The following CASZ1 variants were observed in gnomAD, a reference collection of about 807,000 sequenced individuals.
CASZ1 encodes castor zinc finger 1.
A neutral mutation model predicts 135.2 loss-of-function variants in CASZ1; 28 were observed. The observed-to-expected ratio is 0.21, with a 90% confidence interval of 0.15 to 0.28. The LOEUF (loss-of-function observed/expected upper bound fraction) is 0.28. Among genes scored for constraint, CASZ1 ranks in the 10% least tolerant of loss-of-function variants. The pLI is 1.00. For missense variants in CASZ1, 2,161 were observed against 2,453.3 expected (o/e 0.88, Z 2.52); for synonymous variants, 1,068 against 1,073.4 (o/e 0.99, Z 0.10).
chr1:10,650,882 G>A (rs932420501), intron 12 of CASZ1, 59 bp downstream of exon 12: 2 of 1,605,824 alleles, frequency 1.2e-6, no homozygotes, highest in African/African-American at 2.7e-5. Flanking sequence ...GACCACCCCG[G>A]GGCTCCAGCT....
At chr1:10,656,558 C>T (rs568316497) in intron 8 of CASZ1, 88 bp downstream of exon 8, 26 of 995,748 alleles carry the variant, frequency 2.6e-5, no homozygotes, top group South Asian at 4.2e-5. Context: ...ACTAACCCCC[C>T]CCACTGCCGT....
intron 4 of CASZ1, among the ~76,000 whole-genome samples, chr1:10,680,252 C>T (rs949362463): frequency 7.1e-5 from 7 of 98,658 alleles, no homozygotes; most frequent in East Asian, 3.4e-4. Context: ...CGGAGGGCTC[C>T]GGCTGGATGG....
chr1:10,786,781 AACAGT>A (rs1640867860), intron 1 of CASZ1, among the ~76,000 whole-genome samples: 1 of 152,168 alleles, frequency 6.6e-6, no homozygotes, highest in African/African-American at 2.4e-5. Flanking sequence ...AGAGGCACAA[AACAGT>A]AAAGCACACC....
Position 10,776,809 on chromosome 1 carries a change from G to T in CASZ1, c.-233-15952C>A, listed in dbSNP as rs554826648. On this transcript the variant is annotated intron_variant, in intron 1 of 20. Transcript: ENST00000377022. The surrounding 1 kb of genome is among the most constrained non-coding windows in gnomAD (Gnocchi z 4.1). ...CCAACCCTCTTGCTCATCTTGGGAG[G>T]TGGCTGCTTGCCAGCGATGGAGATG... is the stretch of plus-strand genomic sequence containing the variant. Among the ~76,000 whole-genome samples, 48 of 152,308 alleles carry T rather than the reference G, an allele frequency of 3.2e-4. No homozygotes were observed. Among genetic ancestry groups the T allele is most frequent in the African/African-American group, 1.1e-3 (47 of 41,564 alleles).
chr1:10,670,086 G>A (rs144195865), intron 4 of CASZ1, among the ~76,000 whole-genome samples: 1 of 152,144 alleles, frequency 6.6e-6, no homozygotes, highest in Non-Finnish European at 1.5e-5. Flanking sequence ...AGACCCCTGG[G>A]TTGGGGGTGG....
rs117532881 is a variant in CASZ1 at position 10,701,629 on chromosome 1, T to C, written c.-24+3863A>G. On this transcript the variant is annotated intron_variant, in intron 3 of 20. Coordinates refer to ENST00000377022, the MANE Select transcript of CASZ1 (RefSeq NM_001079843.3). This position sits in a 1 kb window ranked among gnomAD's most constrained non-coding sequence, Gnocchi z 6.3. ...TACCACCAGGGCTAAGGGGAGCTTC[T>C]GTCCTGCTCCTCCAGCCTGACACTA... is the stretch of plus-strand genomic sequence containing the variant. Among the ~76,000 whole-genome samples the C allele has an allele frequency of 2.7e-3, 407 of 152,312 alleles. 13 individuals are homozygous for C. The East Asian group carries it at 0.065, about 24-fold the overall frequency.
chr1:10,684,079 T>C lies in CASZ1; in HGVS notation c.16+9795A>G, dbSNP rs181242141. Among the ~76,000 whole-genome samples the C allele has an allele frequency of 2.6e-4, 40 of 151,618 alleles. No homozygotes were observed. The East Asian group carries it at 6.6e-3, about 25-fold the overall frequency. ...GCCTCCAGCTTCCCCACTTAGGAAA[T>C]GGGACAGCTCCTTGTCTTCCTCCAA... is the stretch of plus-strand genomic sequence containing the variant. On this transcript the variant is annotated intron_variant, in intron 4 of 20. Transcript: ENST00000377022.
In CASZ1 at chr1:10,649,326, CCAGCGCCTTCACGGCCTT is replaced by C; in HGVS notation, c.2974_2991del (p.Lys992_Leu997del). On this transcript the variant is annotated inframe_deletion, in exon 14 of 21. Transcript: ENST00000377022. ...CAGGGCTCTGCCAACTTCTCCTGAA[CCAGCGCCTTCACGGCCTT>C]GCCTAGGAAGGGCGAGGGCTCCGCA... 6.3e-7 allele frequency: 1 copy of C among 1,596,924 alleles called. No individual in the cohort carries two copies. The highest frequency in any genetic ancestry group is 1.1e-5 in the South Asian group (1 of 88,698).
chr1:10,753,974 C>T (rs954235895), intron 2 of CASZ1, among the ~76,000 whole-genome samples: 2 of 152,188 alleles, frequency 1.3e-5, no homozygotes, highest in Non-Finnish European at 2.9e-5. Flanking sequence ...CCCTGACCCC[C>T]TCGACTTCAG....
rs144354399 is a variant in CASZ1 at position 10,751,801 on chromosome 1, C to A, written c.-77+8900G>T. 1.1e-3 allele frequency among the ~76,000 whole-genome samples: 174 copies of A among 152,302 alleles called. 2 individuals carry two copies. In the East Asian group the frequency reaches 0.031, roughly 27 times the overall value. The stretch of plus-strand genomic sequence containing the variant: ...CCCAGGGGGCCAGGGCAGAGGAGGC[C>A]TCCCAGGGCACAGGATGCTGTTAAC... On this transcript the variant is annotated intron_variant, in intron 2 of 20. Transcript: ENST00000377022.
intron 2 of CASZ1, among the ~76,000 whole-genome samples, chr1:10,731,104 TA>T (rs35951654): frequency 4.0e-5 from 6 of 149,518 alleles, no homozygotes; most frequent in South Asian, 2.1e-4. Context: ...AGACTCCGTC[TA>T]AAAAAAAAAA....
intron 4 of CASZ1, among the ~76,000 whole-genome samples, chr1:10,668,909 C>T (rs547403251): frequency 2.6e-5 from 4 of 152,326 alleles, no homozygotes; most frequent in South Asian, 4.1e-4. Context: ...GGCTGAGAAA[C>T]CTTACCTGGC....
At chr1:10,691,190 C>A (rs995315136) in intron 4 of CASZ1, among the ~76,000 whole-genome samples, 1 of 151,696 alleles carries the variant, frequency 6.6e-6, no homozygotes, top group Non-Finnish European at 1.5e-5. Context: ...CATAACCCAA[C>A]CCCCTCTCAT....
At chr1:10,778,185 ACAAT>A (rs1292436783) in intron 1 of CASZ1, among the ~76,000 whole-genome samples, 3 of 152,072 alleles carry the variant, frequency 2.0e-5, no homozygotes, top group Admixed American at 6.5e-5. Flanking sequence ...AATCTCGCAC[ACAAT>A]CAGACACACT....
At chr1:10,764,816 C>A (rs1338633080) in intron 1 of CASZ1, among the ~76,000 whole-genome samples, 4 of 152,220 alleles carry the variant, frequency 2.6e-5, no homozygotes, top group African/African-American at 9.6e-5. Flanking sequence ...GTGCTTCTGG[C>A]CGGGCTGAAA....
At chr1:10,662,253 C>G (rs1643063131) in intron 5 of CASZ1, among the ~76,000 whole-genome samples, 1 of 127,074 alleles carries the variant, frequency 7.9e-6, no homozygotes, top group African/African-American at 3.3e-5. Flanking sequence ...TGACACCCAC[C>G]CACCCCCACA....
intron 4 of CASZ1, among the ~76,000 whole-genome samples, chr1:10,690,922 T>C (rs1412842421): frequency 6.6e-6 from 1 of 152,180 alleles, no homozygotes; most frequent in African/African-American, 2.4e-5. Flanking sequence ...GGAATCAGCC[T>C]GGTGGGACCT....
chr1:10,638,964 G>T lies in CASZ1; in HGVS notation c.5258C>A (p.Pro1753His). Residue 1753 changes from proline to histidine, a missense_variant, in exon 21 of 21, where the codon CCC becomes CAC. Physicochemically the swap from Pro to His is moderately conservative, Grantham distance 77 (BLOSUM62 -2). Coordinates refer to ENST00000377022, the MANE Select transcript of CASZ1 (RefSeq NM_001079843.3). This position sits in a 1 kb window ranked among gnomAD's most constrained non-coding sequence, Gnocchi z 5.9. ...LAALGAPGPA[P>H]TAASSP ...CCGCTAGGGCGAGGAGGCTGCAGTG[G>T]GCGCGGGGCCGGGGGCGCCCAGGGC... The T allele has an allele frequency of 5.1e-6, 5 of 981,168 alleles. No individual in the cohort carries two copies. The Middle Eastern group carries it at 1.6e-3, about 307-fold the overall frequency. 60.8% of individuals were successfully genotyped at this position (981,168 alleles called of 1,614,324 possible).
chr1:10,674,336 A>T (rs1643495400), intron 4 of CASZ1, among the ~76,000 whole-genome samples: 1 of 152,216 alleles, frequency 6.6e-6, no homozygotes, highest in Non-Finnish European at 1.5e-5. Flanking sequence ...GGCAAAGAGG[A>T]ACCTGAGAGA....
Sources: allele counts gnomAD v4.1 joint callset (sites outside exome capture counted in the v4.1 genomes callset), GRCh38; gene constraint gnomAD v4.1.1; non-coding constraint Gnocchi (gnomAD v3.1); transcripts MANE v1.5; gene names NCBI Gene and HGNC (gene_info 2026-07-23, HGNC 2026-07-21).